NBPF11: variants seen among roughly 807,000 people sequenced by gnomAD.
NBPF11 encodes NBPF family member NBPF11.
In NBPF11, 72 loss-of-function variants were observed where a neutral mutation model predicts 93.9. The observed-to-expected ratio is 0.77, with a 90% confidence interval of 0.63 to 0.93. NBPF11 has a LOEUF of 0.93. Ranked by LOEUF, NBPF11 falls within the 40% of genes least tolerant of loss-of-function variation. The probability of loss-of-function intolerance (pLI) is 0.00; values close to 1 mark genes in which losing one functional copy is unlikely to be tolerated. For synonymous variants in NBPF11, 224 were observed against 304.9 expected (o/e 0.73, Z 2.76); for missense variants, 705 against 802.2 (o/e 0.88, Z 1.46).
At chr1:148,146,339 C>A in intron 1 of NBPF11, 23 of 1,424,894 alleles carry the variant, frequency 1.6e-5, no homozygotes, top group Non-Finnish European at 2.1e-5. Context: ...CGGGCCAGGC[C>A]GGGCGGCGTT....
At chr1:148,140,220 C>G (rs1252566827) in intron 2 of NBPF11, among the ~76,000 whole-genome samples, 1 of 151,968 alleles carries the variant, frequency 6.6e-6, no homozygotes, top group African/African-American at 2.4e-5. Flanking sequence ...AACAGCTGGA[C>G]AACCACATGC....
At chr1:148,119,902 C>T (rs1490914516) in intron 10 of NBPF11, among the ~76,000 whole-genome samples, 5 of 152,134 alleles carry the variant, frequency 3.3e-5, no homozygotes, top group Non-Finnish European at 5.9e-5. Context: ...GCTCTACCCG[C>T]CTCAGCCTCC....
rs1662586345 is a variant in NBPF11, at chr1:148,102,623, A to T, written c.*1273T>A. The T allele has an allele frequency of 6.6e-6, 1 of 150,730 alleles. No individual in the cohort carries two copies. Among genetic ancestry groups the T allele is most frequent in the South Asian group, 2.1e-4 (1 of 4,762 alleles). 9.3% of individuals were successfully genotyped at this position (150,730 alleles called of 1,614,324 possible). On this transcript the variant is annotated 3_prime_UTR_variant, in exon 24 of 24. Transcript: ENST00000682118. ...AATTTAATTATGAAGACATTTTCAGACAACTTCAGAATGTAGATCATTGAG... is the reference window on the plus strand; with the variant it reads ...AATTTAATTATGAAGACATTTTCAGTCAACTTCAGAATGTAGATCATTGAG...
chr1:148,109,070 T>C (rs1664600406), intron 17 of NBPF11, among the ~76,000 whole-genome samples: 1 of 151,522 alleles, frequency 6.6e-6, no homozygotes, highest in East Asian at 1.9e-4. Flanking sequence ...TTTTGAGGTA[T>C]GGTCAACCTT....
At chr1:148,135,898 C>T in intron 3 of NBPF11, 85 bp from the exon 4 acceptor site, 1 of 929,608 alleles carries the variant, frequency 1.1e-6, no homozygotes, top group Admixed American at 2.0e-5. Context: ...TGACCCTGTT[C>T]ACTTGAGTGC....
intron 10 of NBPF11, among the ~76,000 whole-genome samples, chr1:148,119,517 C>T (rs1255490017): frequency 1.3e-5 from 2 of 151,692 alleles, no homozygotes; most frequent in Non-Finnish European, 2.9e-5. Flanking sequence ...GCCCACGGTC[C>T]CTGCTCTGTA....
chr1:148,108,712 C>T lies in NBPF11; in HGVS notation c.1854-58G>A, dbSNP rs1355104089. ...AGGGGGAATCAGAAACCACACAGCC[C>T]CAGCTAGATTTCATGGCTAACATGA... On this transcript the variant is annotated intron_variant, in intron 17 of 23. Transcript: ENST00000682118. 2.1e-5 allele frequency: 16 copies of T among 775,356 alleles called. No individual in the cohort carries two copies. The Admixed American group carries it at 2.8e-4, about 14-fold the overall frequency. 48.0% of individuals were successfully genotyped at this position (775,356 alleles called of 1,614,324 possible).
At chr1:148,127,823 T>C (rs1328270144) in intron 4 of NBPF11, among the ~76,000 whole-genome samples, 1,782 of 151,004 alleles carry the variant, frequency 0.012, no homozygotes, top group African/African-American at 0.042. Flanking sequence ...TTCTTTTTTT[T>C]TTTTTTGTAT....
intron 10 of NBPF11, among the ~76,000 whole-genome samples, chr1:148,119,726 G>A (rs1176722624): frequency 2.0e-5 from 3 of 151,778 alleles, no homozygotes; most frequent in East Asian, 3.9e-4. Flanking sequence ...CAAAATCTTG[G>A]CTCACTGCAA....
rs1363131199 is a variant in NBPF11, at chr1:148,104,042, A to C, written c.2582-130T>G. ...GGACAGATCCATTAATGAGGTAACAAATTATTGCCTTTATGTTGGGATAGA... is the reference window on the plus strand; with the variant it reads ...GGACAGATCCATTAATGAGGTAACACATTATTGCCTTTATGTTGGGATAGA... On this transcript the variant is annotated intron_variant, in intron 23 of 23. Transcript: ENST00000682118. The C allele has an allele frequency of 3.0e-5, 47 of 1,583,400 alleles. 1 individual carries two copies. In the African/African-American group the frequency reaches 6.1e-4, roughly 21 times the overall value.
At chr1:148,132,214 T>TACAC (rs781886385) in intron 4 of NBPF11, among the ~76,000 whole-genome samples, 73 of 76,008 alleles carry the variant, frequency 9.6e-4, no homozygotes, top group African/African-American at 2.5e-3. Flanking sequence ...TATATATATA[T>TACAC]ACACACACAC....
chr1:148,149,138 T>C, intron 1 of NBPF11: 4 of 1,584,232 alleles, frequency 2.5e-6, no homozygotes, highest in Non-Finnish European at 3.4e-6. Flanking sequence ...AGGCCGCGGC[T>C]GACCCTGCTC....
rs1261369926 is a variant in NBPF11, at chr1:148,106,090, G to C, written c.2303+91C>G. ...ATAATTCAGGCTTGGTTGAAAAGATGTAATCGATAATGTCAGCCCGCTCTG... is the reference window on the plus strand; with the variant it reads ...ATAATTCAGGCTTGGTTGAAAAGATCTAATCGATAATGTCAGCCCGCTCTG... On this transcript the variant is annotated intron_variant, in intron 21 of 23. Transcript: ENST00000682118. 3.1e-5 allele frequency: 18 copies of C among 574,314 alleles called. No individual in the cohort carries two copies. The East Asian group carries it at 5.0e-4, about 16-fold the overall frequency. The allele number at this position is 574,314 out of a possible 1,614,324, so 35.6% of individuals were successfully genotyped here.
At position 148,106,924 on chromosome 1, in the gene NBPF11, T is replaced by G; in HGVS notation, c.2251+18A>C. On this transcript the variant is annotated intron_variant, in intron 20 of 23. Transcript: ENST00000682118. The stretch of plus-strand genomic sequence containing the variant: ...AAGGCCAGGTGGAGGCTTATCACCT[T>G]CATAGTAAGGTACTCACTGTCCACG... 1.4e-6 allele frequency: 1 copy of G among 690,262 alleles called. No individual in the cohort carries two copies. 42.8% of individuals were successfully genotyped at this position (690,262 alleles called of 1,614,324 possible).
rs1436291349 is a variant in NBPF11 at position 148,149,660 on chromosome 1, C to T, written c.-549+2090G>A. 1.0e-5 allele frequency: 12 copies of T among 1,183,618 alleles called. 1 individual carries two copies. The highest frequency in any genetic ancestry group is 8.1e-5 in the East Asian group (3 of 37,012). The allele number at this position is 1,183,618 out of a possible 1,614,324, so 73.3% of individuals were successfully genotyped here. A position where few individuals can be genotyped will look rare whatever the true frequency, so the allele number is the denominator to read the frequency against. ...CCCAGGGGCTGCATGTGGACCCCCC[C>T]GGGCGGCCCAGGGGACCCCGCCCCG... On this transcript the variant is annotated intron_variant, in intron 1 of 23. Coordinates refer to ENST00000682118, the MANE Select transcript of NBPF11 (RefSeq NM_001385469.3).
intron 1 of NBPF11, among the ~76,000 whole-genome samples, chr1:148,150,472 C>T (rs1186108666): frequency 6.7e-6 from 1 of 149,372 alleles, no homozygotes; most frequent in Admixed American, 6.7e-5. Context: ...TTCTTTGACA[C>T]AAAGTTCTCA....
chr1:148,120,795 T>C (rs28429220), intron 9 of NBPF11, 85 bp from the exon 10 acceptor site: 96,225 of 956,334 alleles, frequency 0.1, 8,051 homozygotes, highest in East Asian at 0.28. Context: ...ATGTCACTGG[T>C]AGCCTTGTTT....
At chr1:148,133,540 T>C (rs1199167046) in intron 4 of NBPF11, among the ~76,000 whole-genome samples, 2 of 152,154 alleles carry the variant, frequency 1.3e-5, no homozygotes, top group African/African-American at 4.8e-5. Flanking sequence ...TTATAAATCA[T>C]GAAAAAAGTT....
chr1:148,133,874 T>C (rs1216931843), intron 4 of NBPF11, among the ~76,000 whole-genome samples: 2 of 150,772 alleles, frequency 1.3e-5, no homozygotes, highest in African/African-American at 2.5e-5. Context: ...CTTTTCTAAT[T>C]ATTACATAAG....
Sources: allele counts gnomAD v4.1 joint callset (sites outside exome capture counted in the v4.1 genomes callset), GRCh38; gene constraint gnomAD v4.1.1; transcripts MANE v1.5; gene names NCBI Gene and HGNC (gene_info 2026-07-23, HGNC 2026-07-21).